B3GAT2: variants seen among roughly 807,000 people sequenced by gnomAD.
B3GAT2 encodes the protein beta-1,3-glucuronyltransferase 2, also known as galactosylgalactosylxylosylprotein 3-beta-glucuronosyltransferase 2.
B3GAT2 carries 26 observed loss-of-function variants against 27.8 expected under a neutral mutation model. The ratio of observed to expected loss-of-function variants is 0.93; its 90% CI spans 0.68 to 1.30. The LOEUF (loss-of-function observed/expected upper bound fraction) is 1.30. Ranked by LOEUF, B3GAT2 falls within the 50% of genes most tolerant of loss-of-function variation. The pLI is 0.00. For missense variants in B3GAT2, 458 were observed against 459.0 expected, an observed-to-expected ratio of 1.00 and a Z score of 0.02; for synonymous variants, 218 against 195.1, an observed-to-expected ratio of 1.12 and a Z score of -0.98.
intron 2 of B3GAT2, among the ~76,000 whole-genome samples, chr6:70,863,202 C>G (rs1771792901): frequency 6.6e-6 from 1 of 152,166 alleles, no homozygotes; most frequent in Admixed American, 6.5e-5. Context: ...CATTTCTCAG[C>G]AACTTTTGCC....
intron 1 of B3GAT2, among the ~76,000 whole-genome samples, chr6:70,950,159 C>A (rs1765556590): frequency 6.6e-6 from 1 of 151,572 alleles, no homozygotes; most frequent in African/African-American, 2.4e-5. Context: ...ACATATGTAA[C>A]TAACCTGCAC....
chr6:70,864,566 C>T (rs1771818896), intron 2 of B3GAT2, among the ~76,000 whole-genome samples: 1 of 152,136 alleles, frequency 6.6e-6, no homozygotes, highest in Admixed American at 6.6e-5. Context: ...TGGAGGAGCA[C>T]AATTCAGATG....
chr6:70,938,110 C>T (rs1448699094), intron 1 of B3GAT2, among the ~76,000 whole-genome samples: 1 of 150,764 alleles, frequency 6.6e-6, no homozygotes, highest in Admixed American at 6.7e-5. Flanking sequence ...ACACCAATAA[C>T]AGACAAACAG....
chr6:70,937,455 A>G (rs1380173574), intron 1 of B3GAT2, among the ~76,000 whole-genome samples: 3 of 152,270 alleles, frequency 2.0e-5, no homozygotes, highest in African/African-American at 7.2e-5. Flanking sequence ...GCCAAAAAAG[A>G]GAATTTTAGA....
At chr6:70,938,100 A>G (rs1582393854) in intron 1 of B3GAT2, among the ~76,000 whole-genome samples, 2 of 150,446 alleles carry the variant, frequency 1.3e-5, no homozygotes, top group Non-Finnish European at 3.0e-5. Context: ...GCATTCTTAT[A>G]CACCAATAAC....
intron 2 of B3GAT2, among the ~76,000 whole-genome samples, chr6:70,865,868 T>C (rs1380931794): frequency 6.6e-6 from 1 of 151,996 alleles, no homozygotes; most frequent in Non-Finnish European, 1.5e-5. Flanking sequence ...AAAAGAGAAA[T>C]GTGACCCCTA....
At chr6:70,916,575 T>A (rs1772777964) in intron 1 of B3GAT2, among the ~76,000 whole-genome samples, 1 of 152,216 alleles carries the variant, frequency 6.6e-6, no homozygotes, top group Admixed American at 6.5e-5. Context: ...ATTCTATCAA[T>A]ACCTAGTTTA....
chr6:70,922,672 G>C (rs555533988), intron 1 of B3GAT2, among the ~76,000 whole-genome samples: 1 of 151,990 alleles, frequency 6.6e-6, no homozygotes, highest in South Asian at 2.1e-4. Flanking sequence ...CAAAAACAAT[G>C]CCTAGGGTGA....
At chr6:70,954,915 C>CGGCGG (rs1765626936) in intron 1 of B3GAT2, among the ~76,000 whole-genome samples, 1 of 114,960 alleles carries the variant, frequency 8.7e-6, no homozygotes, top group Non-Finnish European at 2.0e-5. Context: ...CCGGGGGCGG[C>CGGCGG]GGGGGGGGGC....
chr6:70,873,497 T>G (rs118175999), intron 2 of B3GAT2, among the ~76,000 whole-genome samples: 2,909 of 152,278 alleles, frequency 0.019, 44 homozygotes, highest in Middle Eastern at 0.041. Context: ...ACTCTCAAGA[T>G]TCTCTTCATG....
At position 70,956,049 on chromosome 6, in the gene B3GAT2, G is replaced by A; in HGVS notation, c.381C>T (p.Ser127=). 1.3e-6 allele frequency: 2 copies of A among 1,577,010 alleles called. No homozygotes were observed. The highest frequency in any genetic ancestry group is 1.7e-6 in the Non-Finnish European group (2 of 1,167,790). ...EDAAARSELV[S]RFLARAGLPS... is the part of the protein sequence containing the mutation. ...GCAGCCCGGCCCGCGCCAGGAAGCG[G>A]CTCACCAGCTCGCTGCGCGCCGCCG... The change falls in exon 1 of 4, where the codon AGC becomes AGT. Residue 127 remains serine (S), a synonymous_variant. Transcript: ENST00000230053.
At chr6:70,884,003 T>C (rs992399970) in intron 2 of B3GAT2, among the ~76,000 whole-genome samples, 1 of 143,930 alleles carries the variant, frequency 6.9e-6, no homozygotes, top group African/African-American at 2.6e-5. Context: ...TGAGAGACGA[T>C]AACGAGCCAC....
In B3GAT2 at chr6:70,859,303, G is replaced by GAGTT. The variant is rs1562208032; in HGVS notation, c.*2356_*2359dup. The GAGTT allele has an allele frequency of 1.3e-6, 2 of 1,515,818 alleles. No individual in the cohort carries two copies. The highest frequency in any genetic ancestry group is 2.1e-5 in the Admixed American group (1 of 48,566). 93.9% of individuals were successfully genotyped at this position (1,515,818 alleles called of 1,614,324 possible). On this transcript the variant is annotated 3_prime_UTR_variant, in exon 4 of 4. Transcript: ENST00000230053. ...TTAAGGTGCTAGATGAACCAGGAAG[G>GAGTT]AGTTAATACTGGCTCTTACTTCCAG...
At chr6:70,911,492 C>A (rs1488533801) in intron 1 of B3GAT2, among the ~76,000 whole-genome samples, 1 of 152,022 alleles carries the variant, frequency 6.6e-6, no homozygotes, top group African/African-American at 2.4e-5. Context: ...GCTCTCTATT[C>A]CATTGGTTTA....
rs142997665 is a variant in B3GAT2 at position 70,940,601 on chromosome 6, C to T, written c.591+15238G>A. On this transcript the variant is annotated intron_variant, in intron 1 of 3. Transcript: ENST00000230053. ...TCATGTAGTAACTATGTCCTAGGTC[C>T]ACACTGGGCCCTGGGATTACATAGT... Among the ~76,000 whole-genome samples, 27 of 152,170 alleles carry T rather than the reference C, an allele frequency of 1.8e-4. No homozygotes were observed. The East Asian group carries it at 4.8e-3, about 27-fold the overall frequency.
chr6:70,875,236 G>A (rs922204659), intron 2 of B3GAT2, among the ~76,000 whole-genome samples: 1 of 149,184 alleles, frequency 6.7e-6, no homozygotes, highest in Non-Finnish European at 1.5e-5. Flanking sequence ...TGTAATGTAG[G>A]GTTTGATGAT....
chr6:70,898,152 C>T (rs1020281614), intron 1 of B3GAT2, among the ~76,000 whole-genome samples: 19 of 152,070 alleles, frequency 1.2e-4, no homozygotes, highest in African/African-American at 3.9e-4. Context: ...CAGCAAATTC[C>T]GATAGAGATT....
chr6:70,942,226 G>A (rs1050891087), intron 1 of B3GAT2, among the ~76,000 whole-genome samples: 2 of 152,130 alleles, frequency 1.3e-5, no homozygotes, highest in African/African-American at 2.4e-5. Context: ...AGATTCCAAT[G>A]GGCATGATTT....
At chr6:70,937,365 C>A (rs1406216140) in intron 1 of B3GAT2, among the ~76,000 whole-genome samples, 2 of 151,214 alleles carry the variant, frequency 1.3e-5, no homozygotes, top group Non-Finnish European at 3.0e-5. Context: ...CTATTCCAAT[C>A]AATAGAAAAA....
Sources: gnomAD v4.1 joint callset for allele counts (sites outside exome capture counted in the v4.1 genomes callset) on GRCh38, gnomAD v4.1.1 for gene constraint, MANE v1.5 for transcripts, NCBI Gene and HGNC (gene_info 2026-07-23, HGNC 2026-07-21) for gene names.